CAMK1D: variants seen among roughly 807,000 people sequenced by gnomAD.
CAMK1D encodes calcium/calmodulin dependent protein kinase ID.
A neutral mutation model predicts 47.7 loss-of-function variants in CAMK1D; 9 were observed. That is an observed-to-expected ratio of 0.19 (90% CI 0.11 to 0.33). The LOEUF is 0.33. CAMK1D is among the 10% of genes least tolerant of loss of function. The pLI is 1.00. For missense variants in CAMK1D, 291 were observed against 488.7 expected (o/e 0.60, Z 3.81); for synonymous variants, 184 against 184.9 (o/e 0.99, Z 0.04).
At chr10:12,747,242 G>A (rs568735387) in intron 3 of CAMK1D, among the ~76,000 whole-genome samples, 6 of 152,244 alleles carry the variant, frequency 3.9e-5, no homozygotes, top group Admixed American at 3.3e-4. Context: ...GTGTTGGCCA[G>A]AATGGTCTTG....
At chr10:12,413,104 T>G (rs1839721235) in intron 1 of CAMK1D, among the ~76,000 whole-genome samples, 1 of 152,220 alleles carries the variant, frequency 6.6e-6, no homozygotes, top group African/African-American at 2.4e-5. Context: ...AGAGGCTTAA[T>G]TGGCTCATGG....
chr10:12,429,667 C>A (rs1840375215), intron 1 of CAMK1D, among the ~76,000 whole-genome samples: 1 of 152,098 alleles, frequency 6.6e-6, no homozygotes, highest in Non-Finnish European at 1.5e-5. Flanking sequence ...CATCCTGTGA[C>A]CCTGCACGAC....
intron 5 of CAMK1D, among the ~76,000 whole-genome samples, chr10:12,773,149 C>T (rs569776311): frequency 5.9e-5 from 9 of 152,212 alleles, no homozygotes; most frequent in Non-Finnish European, 1.2e-4. Flanking sequence ...CTGTGAGTCT[C>T]ATGAAATCTT....
At chr10:12,497,885 A>G (rs1040449195) in intron 1 of CAMK1D, among the ~76,000 whole-genome samples, 1 of 152,224 alleles carries the variant, frequency 6.6e-6, no homozygotes, top group East Asian at 1.9e-4. Flanking sequence ...GAGAATTTAT[A>G]AGAGGCTTAA....
chr10:12,784,482 G>A (rs1459268620), intron 5 of CAMK1D, among the ~76,000 whole-genome samples: 3 of 152,054 alleles, frequency 2.0e-5, no homozygotes, highest in African/African-American at 7.2e-5. Context: ...ACAGGCGTGA[G>A]CCACCGTGCC....
intron 3 of CAMK1D, among the ~76,000 whole-genome samples, chr10:12,676,621 A>G (rs1236800522): frequency 1.3e-5 from 2 of 152,150 alleles, no homozygotes; most frequent in East Asian, 1.9e-4. Flanking sequence ...CCAGTTTTCA[A>G]TGAGGAACCT....
chr10:12,798,541 A>G (rs1838289368), intron 6 of CAMK1D, among the ~76,000 whole-genome samples: 1 of 152,196 alleles, frequency 6.6e-6, no homozygotes, highest in African/African-American at 2.4e-5. Context: ...GGTTACAGCG[A>G]TCTGGGTTTG....
intron 6 of CAMK1D, among the ~76,000 whole-genome samples, chr10:12,801,338 TATCTATCTATCTATCTTATCTATC>T (rs1838441911): frequency 1.9e-5 from 2 of 106,256 alleles, no homozygotes; most frequent in Admixed American, 2.0e-4. Context: ...TCTATCTATC[TATCTATCTATCTATCTTATCTATC>T]TATCTATCTA....
chr10:12,649,924 G>A (rs1019070763), intron 2 of CAMK1D, among the ~76,000 whole-genome samples: 8 of 152,334 alleles, frequency 5.3e-5, no homozygotes, highest in Admixed American at 5.2e-4. Flanking sequence ...GTGGGAGCGA[G>A]AGGGTCAGGA....
chr10:12,507,519 T>C (rs1270428458), intron 1 of CAMK1D, among the ~76,000 whole-genome samples: 1 of 152,198 alleles, frequency 6.6e-6, no homozygotes, highest in Non-Finnish European at 1.5e-5. Context: ...ATTTTTCCTT[T>C]TTCAGGAATG....
intron 3 of CAMK1D, among the ~76,000 whole-genome samples, chr10:12,706,252 C>T (rs1833722320): frequency 6.6e-6 from 1 of 152,126 alleles, no homozygotes; most frequent in Non-Finnish European, 1.5e-5. Flanking sequence ...GAATGGCTCG[C>T]AATTTAAAAT....
At chr10:12,687,754 G>A (rs992979756) in intron 3 of CAMK1D, among the ~76,000 whole-genome samples, 1 of 152,298 alleles carries the variant, frequency 6.6e-6, no homozygotes, top group Middle Eastern at 3.4e-3. Context: ...ATCAAAAAGA[G>A]GGGATGCTGA....
In CAMK1D at chr10:12,593,194, G is replaced by C. The variant is rs528965850; in HGVS notation, c.224+39838G>C. ...CTTTATTTACAAAAACAGGTGGTGG[G>C]CCAGTTGTAGTTTAACGAACCCGTT... On this transcript the variant is annotated intron_variant, in intron 2 of 10. Coordinates refer to ENST00000619168, the MANE Select transcript of CAMK1D (RefSeq NM_153498.4). 2.6e-5 allele frequency among the ~76,000 whole-genome samples: 4 copies of C among 152,286 alleles called. No homozygotes were observed. In the South Asian group the frequency reaches 8.3e-4, roughly 32 times the overall value.
intron 2 of CAMK1D, among the ~76,000 whole-genome samples, chr10:12,562,821 G>A (rs1337543696): frequency 2.0e-5 from 3 of 152,132 alleles, no homozygotes; most frequent in Admixed American, 6.5e-5. Context: ...CTGAACTAAA[G>A]GCAACATGGT....
chr10:12,751,074 A>AAGATAAGATAAGATAAGATAAGATG, intron 3 of CAMK1D, among the ~76,000 whole-genome samples: 1 of 37,426 alleles, frequency 2.7e-5, no homozygotes, highest in East Asian at 7.8e-4. Context: ...AAGATAAGAT[A>AAGATAAGATAAGATAAGATAAGATG]AGATAAGATA....
chr10:12,371,987 T>C (rs1008047655), intron 1 of CAMK1D, among the ~76,000 whole-genome samples: 9 of 152,156 alleles, frequency 5.9e-5, no homozygotes, highest in Non-Finnish European at 8.8e-5. Flanking sequence ...TTTTACATTG[T>C]ATTTTCACTG....
chr10:12,364,106 G>A (rs186447402), intron 1 of CAMK1D, among the ~76,000 whole-genome samples: 20 of 152,218 alleles, frequency 1.3e-4, no homozygotes, highest in Admixed American at 1.3e-3. Flanking sequence ...CTCTTAGTGA[G>A]TGAGCAGCAA....
chr10:12,524,227 A>G (rs970581118), intron 1 of CAMK1D, among the ~76,000 whole-genome samples: 5 of 151,702 alleles, frequency 3.3e-5, no homozygotes, highest in African/African-American at 1.2e-4. Flanking sequence ...AGCCTCCCAA[A>G]GTGCTGGAAT....
At chr10:12,416,292 A>T (rs960410587) in intron 1 of CAMK1D, among the ~76,000 whole-genome samples, 2 of 152,134 alleles carry the variant, frequency 1.3e-5, no homozygotes, top group African/African-American at 2.4e-5. Flanking sequence ...TTAACTTTTT[A>T]TGGAATTATG....
Sources: gnomAD v4.1 joint callset for allele counts (sites outside exome capture counted in the v4.1 genomes callset) on GRCh38, gnomAD v4.1.1 for gene constraint, MANE v1.5 for transcripts, NCBI Gene and HGNC (gene_info 2026-07-23, HGNC 2026-07-21) for gene names.